PIP5K1B: variants seen among roughly 807,000 people sequenced by gnomAD.
PIP5K1B encodes the protein phosphatidylinositol 4-phosphate 5-kinase type-1 beta.
A neutral mutation model predicts 67.0 loss-of-function variants in PIP5K1B; 42 were observed. The observed-to-expected ratio is 0.63, with a 90% CI of 0.49 to 0.81. The LOEUF is 0.81. PIP5K1B is among the 30% of genes least tolerant of loss of function. The pLI is 0.00. For synonymous variants in PIP5K1B, 214 were observed against 231.4 expected (o/e 0.92, Z 0.68); for missense variants, 459 against 646.3 (o/e 0.71, Z 3.14).
chr9:68,820,390 C>T (rs1051897365), intron 3 of PIP5K1B, among the ~76,000 whole-genome samples: 3 of 152,210 alleles, frequency 2.0e-5, no homozygotes, highest in East Asian at 1.9e-4. Context: ...TATTCTAACA[C>T]GGACAGATTA....
chr9:68,737,145 A>G (rs1033386758), intron 1 of PIP5K1B, among the ~76,000 whole-genome samples: 3 of 152,214 alleles, frequency 2.0e-5, no homozygotes, highest in Non-Finnish European at 2.9e-5. Flanking sequence ...TGGTAAATAT[A>G]TAAGGATGTC....
intron 11 of PIP5K1B, 113 bp downstream of exon 11, chr9:68,919,842 C>T (rs1826276164): frequency 1.7e-6 from 1 of 595,608 alleles, no homozygotes. Flanking sequence ...AAACAACGGT[C>T]TTTATAAACT....
chr9:68,731,789 G>C (rs1012300409), intron 1 of PIP5K1B, among the ~76,000 whole-genome samples: 1 of 152,208 alleles, frequency 6.6e-6, no homozygotes, highest in African/African-American at 2.4e-5. Context: ...CTGGTACACA[G>C]GGCAAATGCA....
chr9:68,973,281 A>G (rs1198104167), intron 14 of PIP5K1B, among the ~76,000 whole-genome samples: 1 of 152,134 alleles, frequency 6.6e-6, no homozygotes, highest in Non-Finnish European at 1.5e-5. Context: ...CACATTAACA[A>G]GAAAAAAAAA....
At chr9:68,852,925 T>C (rs974746583) in intron 4 of PIP5K1B, among the ~76,000 whole-genome samples, 1 of 151,754 alleles carries the variant, frequency 6.6e-6, no homozygotes, top group Non-Finnish European at 1.5e-5. Flanking sequence ...TTTTTTTTTA[T>C]AGGACTTGGT....
chr9:68,848,369 T>C (rs544663024), intron 4 of PIP5K1B, among the ~76,000 whole-genome samples: 15 of 152,164 alleles, frequency 9.9e-5, no homozygotes, highest in South Asian at 4.1e-4. Context: ...TTAAAAGACA[T>C]AGGTAGGCAG....
chr9:68,845,459 C>G (rs190718416), intron 4 of PIP5K1B, among the ~76,000 whole-genome samples: 1 of 152,110 alleles, frequency 6.6e-6, no homozygotes, highest in African/African-American at 2.4e-5. Context: ...GCATCTCTTC[C>G]GAAGACCTTA....
intron 2 of PIP5K1B, among the ~76,000 whole-genome samples, chr9:68,754,665 T>G (rs2132365284): frequency 6.6e-6 from 1 of 152,350 alleles, no homozygotes; most frequent in African/African-American, 2.4e-5. Flanking sequence ...CTACTGAATT[T>G]TGTCAGTGGA....
rs1033259329 is a variant in PIP5K1B, at chr9:68,742,161, A to C, written c.-242-340A>C. 3.3e-5 allele frequency: 5 copies of C among 152,160 alleles called. No individual in the cohort carries two copies. In the East Asian group the frequency reaches 7.7e-4, roughly 23 times the overall value. 9.4% of individuals were successfully genotyped at this position (152,160 alleles called of 1,614,324 possible). ...GCCTATATTAAGAAGTCCTACATTT[A>C]GTGGGAAGTTTTACTACATCACTAG... On this transcript the variant is annotated intron_variant, in intron 1 of 15. Coordinates refer to ENST00000265382, the MANE Select transcript of PIP5K1B (RefSeq NM_003558.4).
At chr9:68,979,092 T>C (rs1166917271) in intron 14 of PIP5K1B, among the ~76,000 whole-genome samples, 1 of 152,236 alleles carries the variant, frequency 6.6e-6, no homozygotes, top group East Asian at 1.9e-4. Context: ...TCTCTGTATC[T>C]CTTTTTCTCT....
intron 2 of PIP5K1B, chr9:68,780,166 T>C (rs750746189): frequency 6.6e-7 from 1 of 1,512,992 alleles, no homozygotes; most frequent in Admixed American, 2.3e-5. Context: ...GCCCCCGACA[T>C]GGCTCAGGAG....
chr9:68,761,542 C>T (rs116652250), intron 2 of PIP5K1B, among the ~76,000 whole-genome samples: 1,642 of 152,204 alleles, frequency 0.011, 31 homozygotes, highest in African/African-American at 0.038. Flanking sequence ...AAATTGGTCT[C>T]ACTGGACTAA....
chr9:68,950,010 C>T (rs906882129), intron 14 of PIP5K1B, among the ~76,000 whole-genome samples: 2 of 152,180 alleles, frequency 1.3e-5, no homozygotes, highest in African/African-American at 4.8e-5. Flanking sequence ...AACCTTTAGG[C>T]CAAACTTAAA....
intron 8 of PIP5K1B, among the ~76,000 whole-genome samples, chr9:68,897,906 T>C (rs1825169216): frequency 6.6e-6 from 1 of 152,158 alleles, no homozygotes; most frequent in Non-Finnish European, 1.5e-5. Context: ...ACCTAGCTTA[T>C]TCCCTGCTCC....
intron 4 of PIP5K1B, among the ~76,000 whole-genome samples, chr9:68,857,935 A>G (rs1448001828): frequency 7.0e-6 from 1 of 142,696 alleles, no homozygotes; most frequent in African/African-American, 2.5e-5. Flanking sequence ...CCATACACCC[A>G]TATAAGAATT....
intron 14 of PIP5K1B, among the ~76,000 whole-genome samples, chr9:68,946,940 G>C (rs1175534579): frequency 6.6e-6 from 1 of 152,150 alleles, no homozygotes; most frequent in Non-Finnish European, 1.5e-5. Context: ...TTGTTATAAA[G>C]ATTAAATGAA....
At position 68,934,932 on chromosome 9, in the gene PIP5K1B, C is replaced by A. The variant is rs1185276040; in HGVS notation, c.1244C>A (p.Ala415Asp). Residue 415 changes from alanine (A) to aspartate (D), a missense_variant, in exon 13 of 16, where the codon GCC becomes GAC. Coordinates refer to ENST00000265382, the MANE Select transcript of PIP5K1B (RefSeq NM_003558.4). ...SPSKKRCNSIAALKATSQEIV... is the reference protein window; with the variant it reads ...SPSKKRCNSIDALKATSQEIV... ...TCTAAGAAACGGTGCAATTCAATCGCCGCCCTAAAGGCCACTTCACAGGAG... is the reference window on the plus strand; with the variant it reads ...TCTAAGAAACGGTGCAATTCAATCGACGCCCTAAAGGCCACTTCACAGGAG... 2 of 1,612,862 alleles carry A rather than the reference C, an allele frequency of 1.2e-6. No homozygotes were observed. The highest frequency in any genetic ancestry group is 2.2e-5 in the South Asian group (2 of 90,920).
intron 2 of PIP5K1B, chr9:68,789,092 A>G: frequency 1.8e-6 from 1 of 541,476 alleles, no homozygotes; most frequent in Non-Finnish European, 3.6e-6. Context: ...ATTTATCAAT[A>G]ATGGCATCAA....
intron 2 of PIP5K1B, among the ~76,000 whole-genome samples, chr9:68,747,585 G>A (rs185369268): frequency 3.3e-5 from 5 of 152,092 alleles, no homozygotes; most frequent in Non-Finnish European, 7.4e-5. Flanking sequence ...AGAGTTGGAG[G>A]TAAAATTTTT....
Sources: gnomAD v4.1 joint callset for allele counts (sites outside exome capture counted in the v4.1 genomes callset) on GRCh38, gnomAD v4.1.1 for gene constraint, MANE v1.5 for transcripts, NCBI Gene and HGNC (gene_info 2026-07-23, HGNC 2026-07-21) for gene names.